Variants in SPATC1 observed in about 807,000 individuals in gnomAD.
SPATC1 encodes the protein spermatogenesis and centriole associated 1.
In SPATC1, 35 loss-of-function variants were observed where a neutral mutation model predicts 36.5. That is an observed-to-expected ratio of 0.96 (90% CI 0.73 to 1.27). SPATC1 has a LOEUF of 1.27. Among genes scored for constraint, SPATC1 ranks in the 50% most tolerant of loss-of-function variants. The probability of loss-of-function intolerance (pLI) is 0.00; values close to 1 mark genes in which losing one functional copy is unlikely to be tolerated. For synonymous variants in SPATC1, 361 were observed against 353.6 expected (o/e 1.02, Z -0.24); for missense variants, 779 against 796.0 (o/e 0.98, Z 0.26).
At chr8:144,023,039 C>T (rs1171932314) in intron 1 of SPATC1, among the ~76,000 whole-genome samples, 1 of 148,394 alleles carries the variant, frequency 6.7e-6, no homozygotes, top group Non-Finnish European at 1.5e-5. Flanking sequence ...AACCTCGTCC[C>T]TCAGGACCCT....
chr8:144,035,527 T>G (rs1834881251), intron 1 of SPATC1, among the ~76,000 whole-genome samples: 1 of 152,236 alleles, frequency 6.6e-6, no homozygotes, highest in South Asian at 2.1e-4. Context: ...CATTTTGGTG[T>G]TAGACTTTCT....
At position 144,023,797 on chromosome 8, in the gene SPATC1, TCTAGAACCCTGTCCCTGTCCCCTCAGGAC is replaced by T. The variant is rs1834607258; in HGVS notation, c.211+11074_211+11102del. On this transcript the variant is annotated intron_variant, in intron 1 of 4. Transcript: ENST00000377470. ...TAAGGTCCCTCTTCCCTCAGAACCC[TCTAGAACCCTGTCCCTGTCCCCTCAGGAC>T]CTCCCCTTAGGACCTTCGCCCTGAG... 2.3e-3 allele frequency among the ~76,000 whole-genome samples: 87 copies of T among 37,992 alleles called. 43 individuals carry two copies. The highest frequency in any genetic ancestry group is 2.9e-3 in the Non-Finnish European group (55 of 18,696). The allele number at this position is 37,992 out of a possible 152,430, so 24.9% of individuals were successfully genotyped here.
intron 1 of SPATC1, among the ~76,000 whole-genome samples, chr8:144,030,781 T>G (rs1272802959): frequency 6.6e-6 from 1 of 152,198 alleles, no homozygotes; most frequent in Non-Finnish European, 1.5e-5. Context: ...TTTTTTTTCC[T>G]GTACATTTTA....
chr8:144,014,478 GA>G (rs1325031998), intron 1 of SPATC1, among the ~76,000 whole-genome samples: 4 of 151,466 alleles, frequency 2.6e-5, no homozygotes, highest in African/African-American at 9.7e-5. Flanking sequence ...AAAGAAGAAG[GA>G]AGGAAGGAAA....
At position 144,047,075 on chromosome 8, in the gene SPATC1, T is replaced by A. The variant is rs1357134735; in HGVS notation, c.*119T>A. ...AGCGCTCCTGGGTGGTGCTGCCTCC[T>A]CTGGGGTGGCTCACCGGGCCCCGGC... On this transcript the variant is annotated 3_prime_UTR_variant, in exon 5 of 5. Transcript: ENST00000377470. The surrounding 1 kb of genome is among the most constrained non-coding windows in gnomAD (Gnocchi z 4.1). 7.8e-7 allele frequency: 1 copy of A among 1,276,254 alleles called. No individual in the cohort carries two copies. Among genetic ancestry groups the A allele is most frequent in the Non-Finnish European group, 1.1e-6 (1 of 944,022 alleles). 79.1% of individuals were successfully genotyped at this position (1,276,254 alleles called of 1,614,324 possible). A position where few individuals can be genotyped will look rare whatever the true frequency, so the allele number is the denominator to read the frequency against.
At position 144,045,043 on chromosome 8, in the gene SPATC1, G is replaced by A. The variant is rs1835222192; in HGVS notation, c.1447-1584G>A. On this transcript the variant is annotated intron_variant, in intron 4 of 4. Coordinates refer to ENST00000377470, the MANE Select transcript of SPATC1 (RefSeq NM_198572.3). The surrounding 1 kb of genome is among the most constrained non-coding windows in gnomAD (Gnocchi z 5.2). Reference sequence around the variant, plus strand: ...GCCCCTGCGTGCCCTGGTGCTCAGTGCTCACTGGGGCCGCTGCCTGTAACC... The same window carrying A: ...GCCCCTGCGTGCCCTGGTGCTCAGTACTCACTGGGGCCGCTGCCTGTAACC... Among the ~76,000 whole-genome samples, 1 of 152,242 alleles carries A rather than the reference G, an allele frequency of 6.6e-6. No individual in the cohort carries two copies. The highest frequency in any genetic ancestry group is 1.5e-5 in the Non-Finnish European group (1 of 68,038).
chr8:144,026,738 T>G (rs1326935866), intron 1 of SPATC1, among the ~76,000 whole-genome samples: 2 of 152,308 alleles, frequency 1.3e-5, no homozygotes, highest in East Asian at 3.9e-4. Flanking sequence ...TTATTGGCCA[T>G]TTGTATATCT....
intron 1 of SPATC1, among the ~76,000 whole-genome samples, chr8:144,022,659 C>T (rs1169610409): frequency 6.6e-6 from 1 of 150,540 alleles, no homozygotes; most frequent in Non-Finnish European, 1.5e-5. Context: ...CCCCTCAGGA[C>T]CTTCTCCTCT....
chr8:144,031,989 G>A (rs1834807142), intron 1 of SPATC1, among the ~76,000 whole-genome samples: 1 of 151,754 alleles, frequency 6.6e-6, no homozygotes, highest in South Asian at 2.1e-4. Flanking sequence ...CAAAGTGCTG[G>A]GATTACAGGT....
intron 1 of SPATC1, among the ~76,000 whole-genome samples, chr8:144,025,240 T>G (rs1834652996): frequency 6.6e-6 from 1 of 152,202 alleles, no homozygotes; most frequent in Non-Finnish European, 1.5e-5. Context: ...CAGGACCTTC[T>G]TCCCTCATAC....
upstream of SPATC1, among the ~76,000 whole-genome samples, chr8:144,012,152 G>A (rs1039374231): frequency 3.3e-5 from 5 of 152,250 alleles, no homozygotes; most frequent in Admixed American, 1.3e-4. Context: ...ACCAGGGGAA[G>A]TGCTATGACA....
intron 4 of SPATC1, among the ~76,000 whole-genome samples, chr8:144,042,305 ATATATATTT>A (rs1835130097): frequency 1.8e-5 from 1 of 54,750 alleles, no homozygotes; most frequent in Non-Finnish European, 2.9e-5. Context: ...ATATATATAT[ATATATATTT>A]TTTTTTTTTT....
intron 1 of SPATC1, among the ~76,000 whole-genome samples, chr8:144,031,723 C>CTTTTTTTTTTTTTTTTTTTTTTTTTT (rs1240016643): frequency 7.7e-6 from 1 of 129,038 alleles, no homozygotes; most frequent in African/African-American, 2.9e-5. Flanking sequence ...TTCTTTCTTT[C>CTTTTTTTTTTTTTTTTTTTTTTTTTT]TTTTTTTTTT....
intron 4 of SPATC1, 55 bp downstream of exon 4, chr8:144,041,426 G>A (rs551201194): frequency 9.7e-5 from 154 of 1,585,180 alleles, no homozygotes; most frequent in African/African-American, 1.6e-4. Flanking sequence ...ATGAGGGGCC[G>A]TGGGGACCCT....
intron 1 of SPATC1, among the ~76,000 whole-genome samples, chr8:144,038,293 C>A (rs1834968086): frequency 6.6e-6 from 1 of 150,776 alleles, no homozygotes; most frequent in South Asian, 2.1e-4. Flanking sequence ...ATTAGCTGGG[C>A]CTGGTGGCAC....
At chr8:144,037,741 T>C (rs1212327840) in intron 1 of SPATC1, among the ~76,000 whole-genome samples, 1 of 150,448 alleles carries the variant, frequency 6.6e-6, no homozygotes, top group Non-Finnish European at 1.5e-5. Flanking sequence ...TGACCTTCCC[T>C]CCACTATTGT....
At chr8:144,038,278 C>G (rs529727954) in intron 1 of SPATC1, among the ~76,000 whole-genome samples, 1 of 151,620 alleles carries the variant, frequency 6.6e-6, no homozygotes, top group African/African-American at 2.4e-5. Context: ...ACTAAAAATA[C>G]AAAAATTAGC....
chr8:144,020,144 C>A (rs1834476823), intron 1 of SPATC1, among the ~76,000 whole-genome samples: 1 of 151,206 alleles, frequency 6.6e-6, no homozygotes, highest in African/African-American at 2.4e-5. Context: ...ATCTGTCCCT[C>A]CCTACTCAGG....
intron 1 of SPATC1, among the ~76,000 whole-genome samples, chr8:144,039,671 C>A (rs1280709936): frequency 6.6e-6 from 1 of 152,166 alleles, no homozygotes; most frequent in Non-Finnish European, 1.5e-5. Context: ...GGAGATGAGG[C>A]CTTGGGGAGC....
Sources: gnomAD v4.1 joint callset for allele counts (sites outside exome capture counted in the v4.1 genomes callset) on GRCh38, gnomAD v4.1.1 for gene constraint, Gnocchi (gnomAD v3.1) non-coding constraint, MANE v1.5 for transcripts, NCBI Gene and HGNC (gene_info 2026-07-23, HGNC 2026-07-21) for gene names.